Variants in ERH observed in about 807,000 individuals in gnomAD.
ERH encodes the protein enhancer of rudimentary homolog.
In ERH, 1 loss-of-function variant was observed where a neutral mutation model predicts 16.8. The ratio of observed to expected loss-of-function variants is 0.06; its 90% CI spans 0.02 to 0.28. The LOEUF (loss-of-function observed/expected upper bound fraction) is 0.28. ERH is among the 10% of genes least tolerant of loss of function. The pLI, the probability that ERH is intolerant of heterozygous loss-of-function variation, is 1.00. For synonymous variants in ERH, 43 were observed against 43.6 expected (o/e 0.99, Z 0.05); for missense variants, 42 against 127.5 (o/e 0.33, Z 3.23).
At chr14:69,396,265 A>G (rs749698992) in intron 1 of ERH, among the ~76,000 whole-genome samples, 13 of 152,266 alleles carry the variant, frequency 8.5e-5, no homozygotes, top group Admixed American at 2.6e-4. Context: ...TTTTGGAATA[A>G]CATAATTTTT....
intron 3 of ERH, 79 bp from the exon 4 acceptor site, chr14:69,380,719 C>CA: frequency 1.3e-6 from 1 of 778,446 alleles, no homozygotes; most frequent in South Asian, 1.5e-5. Context: ...TATAACTGCC[C>CA]AATGATGGCA....
At chr14:69,384,715 C>T (rs2045881453) in intron 3 of ERH, among the ~76,000 whole-genome samples, 1 of 149,020 alleles carries the variant, frequency 6.7e-6, no homozygotes, top group South Asian at 2.1e-4. Flanking sequence ...AATAACAACA[C>T]AAGTGACGTG....
chr14:69,392,480 G>A (rs998920196), intron 2 of ERH, among the ~76,000 whole-genome samples: 2 of 152,172 alleles, frequency 1.3e-5, no homozygotes, highest in Non-Finnish European at 1.5e-5. Flanking sequence ...CAAAACTATG[G>A]AGACAGTAAA....
intron 2 of ERH, among the ~76,000 whole-genome samples, chr14:69,388,562 A>AT (rs1480881183): frequency 6.6e-6 from 1 of 152,102 alleles, no homozygotes; most frequent in African/African-American, 2.4e-5. Flanking sequence ...GGGTTTTACC[A>AT]TGTTGGCCAG....
rs566840779 is a variant in ERH, at chr14:69,390,481, T to C, written c.92-3398A>G. 1.3e-3 allele frequency among the ~76,000 whole-genome samples: 194 copies of C among 152,314 alleles called. 2 individuals are homozygous for C. Among genetic ancestry groups the C allele is most frequent in the African/African-American group, 4.4e-3 (182 of 41,566 alleles). On this transcript the variant is annotated intron_variant, in intron 2 of 3. Coordinates refer to ENST00000557016, the MANE Select transcript of ERH (RefSeq NM_004450.3). ...AAAGAACAGTATTTTCAACAAATGA[T>C]GCTAGGACAACAGGATAGTCACATG...
chr14:69,383,339 A>T (rs914111916), intron 3 of ERH, among the ~76,000 whole-genome samples: 25 of 152,332 alleles, frequency 1.6e-4, no homozygotes, highest in South Asian at 1.4e-3. Context: ...GAATTAATTT[A>T]AAAAAGTCCT....
At chr14:69,388,427 C>A (rs2045905587) in intron 2 of ERH, among the ~76,000 whole-genome samples, 1 of 151,652 alleles carries the variant, frequency 6.6e-6, no homozygotes, top group South Asian at 2.1e-4. Context: ...ATGATGAGAT[C>A]TTGGCTCACT....
Position 69,395,989 on chromosome 14 carries a change from C to A in ERH, c.4-1077G>T, listed in dbSNP as rs145768960. On this transcript the variant is annotated intron_variant, in intron 1 of 3. Coordinates refer to ENST00000557016, the MANE Select transcript of ERH (RefSeq NM_004450.3). ...GTTTTCTCAACGTGGGCTCTATTAC[C>A]TTTTGGGTTGACTGATTCTTTGTTA... Among the ~76,000 whole-genome samples, 478 of 152,288 alleles carry A rather than the reference C, an allele frequency of 3.1e-3. 4 individuals are homozygous for A. Among genetic ancestry groups the A allele is most frequent in the African/African-American group, 0.011 (464 of 41,562 alleles).
chr14:69,384,902 C>T (rs1441327170), intron 3 of ERH, among the ~76,000 whole-genome samples: 1 of 152,116 alleles, frequency 6.6e-6, no homozygotes, highest in East Asian at 1.9e-4. Flanking sequence ...AAGTCTTTTC[C>T]TCTAATGATC....
chr14:69,394,177 T>C (rs904173419), intron 2 of ERH, among the ~76,000 whole-genome samples: 6 of 152,054 alleles, frequency 3.9e-5, no homozygotes, highest in Non-Finnish European at 5.9e-5. Context: ...ATATAAGGGA[T>C]ACCTGTAAAA....
intron 3 of ERH, among the ~76,000 whole-genome samples, chr14:69,381,721 C>G (rs1400327426): frequency 1.3e-5 from 2 of 152,168 alleles, no homozygotes; most frequent in Non-Finnish European, 2.9e-5. Flanking sequence ...CAGAATCTCA[C>G]TCTGTAACTC....
intron 2 of ERH, among the ~76,000 whole-genome samples, chr14:69,391,160 C>T (rs1167197749): frequency 1.3e-5 from 2 of 152,174 alleles, no homozygotes; most frequent in East Asian, 1.9e-4. Flanking sequence ...CTTAGGTCCA[C>T]ACAAAAGCCT....
At chr14:69,380,910 A>C (rs2045859407) in intron 3 of ERH, among the ~76,000 whole-genome samples, 1 of 152,260 alleles carries the variant, frequency 6.6e-6, no homozygotes, top group African/African-American at 2.4e-5. Context: ...ACTTCTTGAC[A>C]GAGTATGACC....
chr14:69,394,361 G>A (rs1055429622), intron 2 of ERH, among the ~76,000 whole-genome samples: 9 of 151,472 alleles, frequency 5.9e-5, no homozygotes, highest in South Asian at 2.1e-4. Flanking sequence ...ATGTTCAACC[G>A]GCCAAGGCGG....
chr14:69,386,745 T>C (rs1298596280), intron 3 of ERH: 4 of 404,024 alleles, frequency 9.9e-6, no homozygotes, highest in Non-Finnish European at 8.7e-6. Context: ...CCTTTCTGGA[T>C]ACTAACTATA....
rs915940589 is a variant in ERH, at chr14:69,386,838, A to G, written c.212+125T>C. ...TTCTGTAAGAGAAATATTAATTACT[A>G]TACACTATGCAAATGCAAAGATCAG... On this transcript the variant is annotated intron_variant, in intron 3 of 3. Transcript: ENST00000557016. 9 of 802,496 alleles carry G rather than the reference A, an allele frequency of 1.1e-5. No individual in the cohort carries two copies. The African/African-American group carries it at 1.6e-4, about 14-fold the overall frequency. The allele number at this position is 802,496 out of a possible 1,614,324, so 49.7% of individuals were successfully genotyped here.
intron 3 of ERH, among the ~76,000 whole-genome samples, chr14:69,385,219 G>GA (rs998349405): frequency 1.3e-4 from 19 of 151,930 alleles, no homozygotes; most frequent in African/African-American, 3.6e-4. Context: ...GAGAGACTAG[G>GA]AAAAAAATCC....
In ERH at chr14:69,394,894, C is replaced by T. The variant is rs1422295137; in HGVS notation, c.22G>A (p.Val8Ile). Residue 8 changes from valine (V) to isoleucine (I), a missense_variant, in exon 2 of 4, where the codon GTA becomes ATA. Val to Ile is a conservative substitution (Grantham distance 29). Transcript: ENST00000557016. ...CCTTCTGGCCTCTTGGTAGGCTGTA[C>T]CAGCAAAATGGTGTGAGACTGCAGG... MSHTILL[V>I]QPTKRPEGRT... 1 of 1,612,976 alleles carries T rather than the reference C, an allele frequency of 6.2e-7. No individual in the cohort carries two copies. Among genetic ancestry groups the T allele is most frequent in the Admixed American group, 1.7e-5 (1 of 59,986 alleles).
chr14:69,398,006 C>G, intron 1 of ERH: 1 of 614,552 alleles, frequency 1.6e-6, no homozygotes, highest in Non-Finnish European at 2.9e-6. Context: ...ACGCCGGACC[C>G]GAGCGAGCAG....
Sources: allele counts gnomAD v4.1 joint callset (sites outside exome capture counted in the v4.1 genomes callset), GRCh38; gene constraint gnomAD v4.1.1; transcripts MANE v1.5; gene names NCBI Gene and HGNC (gene_info 2026-07-23, HGNC 2026-07-21).